The following RELN variants were observed in gnomAD, a reference collection of about 807,000 sequenced individuals.
RELN encodes the protein reelin.
Under a neutral mutation model 427.6 loss-of-function variants are expected in RELN, and 108 were observed. The observed-to-expected ratio is 0.25, with a 90% CI of 0.22 to 0.30. The LOEUF (loss-of-function observed/expected upper bound fraction) is 0.30, where lower values mean the gene tolerates loss of function less well. Ranked by LOEUF, RELN falls within the 10% of genes least tolerant of loss-of-function variation. RELN has a pLI of 1.00. For synonymous variants in RELN, 1,524 were observed against 1,513.4 expected (o/e 1.01, Z -0.16); for missense variants, 3,715 against 4,302.8 (o/e 0.86, Z 3.82).
intron 63 of RELN, among the ~76,000 whole-genome samples, chr7:103,479,515 G>A (rs114997842): frequency 0.015 from 2,340 of 152,176 alleles, 64 homozygotes; most frequent in African/African-American, 0.054. Flanking sequence ...GCTAATCATC[G>A]TGAAATGCTT....
At chr7:103,888,071 T>C (rs1315973615) in intron 2 of RELN, among the ~76,000 whole-genome samples, 1 of 152,068 alleles carries the variant, frequency 6.6e-6, no homozygotes, top group Admixed American at 6.6e-5. Flanking sequence ...CCCTGCCCTG[T>C]AGGGGCTCTC....
chr7:103,500,923 CTAT>C lies in RELN; in HGVS notation c.8490-4_8490-2del. Reference sequence around the variant, plus strand: ...CTGATAGAACCTAAACCTTACCGGACTATTGACAATGCAAAAGCAAAGGAGTGA... The same window carrying C: ...CTGATAGAACCTAAACCTTACCGGACTGACAATGCAAAAGCAAAGGAGTGA... On this transcript the variant is annotated splice_acceptor_variant and splice_polypyrimidine_tract_variant and intron_variant, in intron 52 of 64. Transcript: ENST00000428762. LOFTEE classifies it high-confidence loss of function. 6.2e-7 allele frequency: 1 copy of C among 1,613,960 alleles called. No individual in the cohort carries two copies.
intron 3 of RELN, among the ~76,000 whole-genome samples, chr7:103,783,778 C>G (rs1475408444): frequency 5.3e-5 from 8 of 152,126 alleles, no homozygotes; most frequent in Admixed American, 1.3e-4. Context: ...CAAAGTGATT[C>G]AGCAAACTCC....
intron 64 of RELN, among the ~76,000 whole-genome samples, chr7:103,476,507 A>C (rs1043897707): frequency 1.6e-4 from 24 of 152,230 alleles, no homozygotes; most frequent in African/African-American, 5.3e-4. Context: ...AACAAACAAA[A>C]AAACCACACT....
At chr7:103,509,566 A>C (rs896202398) in intron 51 of RELN, among the ~76,000 whole-genome samples, 1 of 152,222 alleles carries the variant, frequency 6.6e-6, no homozygotes, top group Non-Finnish European at 1.5e-5. Flanking sequence ...AAGAAAACTC[A>C]GGCAATACCA....
At chr7:103,685,166 G>C (rs924040597) in intron 10 of RELN, among the ~76,000 whole-genome samples, 1 of 152,020 alleles carries the variant, frequency 6.6e-6, no homozygotes, top group African/African-American at 2.4e-5. Flanking sequence ...GTATAACATC[G>C]ATCTACTATG....
chr7:103,878,256 C>T (rs534550598), intron 2 of RELN, among the ~76,000 whole-genome samples: 1 of 152,262 alleles, frequency 6.6e-6, no homozygotes, highest in East Asian at 1.9e-4. Context: ...AACTCTGCCC[C>T]TCTTCTATCC....
rs1562909058 is a variant in RELN at position 103,590,566 on chromosome 7, A to AATCAATCAATC, written c.3913-739_3913-738insGATTGATTGAT. ...CAGAGCCAGACTCCATCTCAACAAT[A>AATCAATCAATC]AATAAATAAATAAATAAATAAATAA... On this transcript the variant is annotated intron_variant, in intron 27 of 64. Coordinates refer to ENST00000428762, the MANE Select transcript of RELN (RefSeq NM_005045.4). Among the ~76,000 whole-genome samples, 268 of 147,884 alleles carry AATCAATCAATC rather than the reference A, an allele frequency of 1.8e-3. 1 individual carries two copies. Among genetic ancestry groups the AATCAATCAATC allele is most frequent in the African/African-American group, 6.5e-3 (259 of 39,914 alleles).
At chr7:103,921,047 T>C (rs536757371) in intron 1 of RELN, among the ~76,000 whole-genome samples, 2 of 152,256 alleles carry the variant, frequency 1.3e-5, no homozygotes, top group Admixed American at 1.3e-4. Context: ...AGGTGTATGA[T>C]TGATTGAGAC....
At chr7:103,536,190 G>A (rs977299548) in intron 45 of RELN, among the ~76,000 whole-genome samples, 10 of 152,124 alleles carry the variant, frequency 6.6e-5, no homozygotes, top group South Asian at 2.1e-4. Context: ...AATCCAAGGG[G>A]TTTAAGGAGG....
At chr7:103,891,384 GTAAT>G (rs1794845523) in intron 2 of RELN, among the ~76,000 whole-genome samples, 1 of 152,114 alleles carries the variant, frequency 6.6e-6, no homozygotes, top group African/African-American at 2.4e-5. Flanking sequence ...GCTGGCCATG[GTAAT>G]TAATGTCTCC....
At chr7:103,485,933 C>T (rs888843626) in intron 61 of RELN, among the ~76,000 whole-genome samples, 3 of 152,116 alleles carry the variant, frequency 2.0e-5, no homozygotes, top group Non-Finnish European at 2.9e-5. Context: ...AATATTTGGC[C>T]ATTTCTCTGG....
chr7:103,641,421 A>T (rs1308574582), intron 16 of RELN, among the ~76,000 whole-genome samples: 1 of 152,198 alleles, frequency 6.6e-6, no homozygotes, highest in Non-Finnish European at 1.5e-5. Context: ...CCTGCCAATT[A>T]ACAGGTGGAG....
At chr7:103,473,049 C>T (rs767552258) in intron 64 of RELN, 141 bp from the exon 65 acceptor site, 8 of 774,522 alleles carry the variant, frequency 1.0e-5, no homozygotes, top group Non-Finnish European at 1.9e-5. Context: ...AGGTCATGCT[C>T]ACATTACCAC....
chr7:103,703,513 G>C (rs1033592124), intron 8 of RELN, among the ~76,000 whole-genome samples: 1 of 152,170 alleles, frequency 6.6e-6, no homozygotes, highest in African/African-American at 2.4e-5. Flanking sequence ...CCCAGACACT[G>C]TGACACCTCT....
At position 103,595,331 on chromosome 7, in the gene RELN, T is replaced by C. The variant is rs909590129; in HGVS notation, c.3540-839A>G. 2.0e-5 allele frequency among the ~76,000 whole-genome samples: 3 copies of C among 152,182 alleles called. No individual in the cohort carries two copies. In the South Asian group the frequency reaches 6.2e-4, roughly 31 times the overall value. Reference sequence around the variant, plus strand: ...TGCATCTAGGAGAATCTCACAAGGCTTCATCTCCCACCCTTTTCCTATGAT... The same window carrying C: ...TGCATCTAGGAGAATCTCACAAGGCCTCATCTCCCACCCTTTTCCTATGAT... On this transcript the variant is annotated intron_variant, in intron 25 of 64. Transcript: ENST00000428762.
intron 1 of RELN, among the ~76,000 whole-genome samples, chr7:103,918,293 C>T (rs1167441625): frequency 6.6e-6 from 1 of 152,124 alleles, no homozygotes; most frequent in Non-Finnish European, 1.5e-5. Context: ...AGTGCTGGCA[C>T]ATCAACCACT....
At chr7:103,529,551 G>A (rs960757050) in intron 46 of RELN, among the ~76,000 whole-genome samples, 1 of 151,950 alleles carries the variant, frequency 6.6e-6, no homozygotes, top group Non-Finnish European at 1.5e-5. Context: ...TTACTTTTAG[G>A]TCTGGGGTTA....
At chr7:103,737,412 T>A (rs491170) in intron 6 of RELN, among the ~76,000 whole-genome samples, 5 of 152,094 alleles carry the variant, frequency 3.3e-5, no homozygotes, top group Admixed American at 1.3e-4. Flanking sequence ...TCCACTTATA[T>A]TGTAGTTCTC....
Sources: allele counts gnomAD v4.1 joint callset (sites outside exome capture counted in the v4.1 genomes callset), GRCh38; gene constraint gnomAD v4.1.1; transcripts MANE v1.5; gene names NCBI Gene and HGNC (gene_info 2026-07-23, HGNC 2026-07-21).